The following CSMD3 variants were observed in gnomAD, a reference collection of about 807,000 sequenced individuals.
The protein encoded by CSMD3 is CUB and sushi domain-containing protein 3.
Under a neutral mutation model 435.2 loss-of-function variants are expected in CSMD3, and 177 were observed. That is an observed-to-expected ratio of 0.41 (90% confidence interval 0.36 to 0.46). The LOEUF (loss-of-function observed/expected upper bound fraction) is 0.46, where lower values mean the gene tolerates loss of function less well. CSMD3 is among the 20% of genes least tolerant of loss of function. The probability of loss-of-function intolerance (pLI) is 0.34; values close to 1 mark genes in which losing one functional copy is unlikely to be tolerated. For missense variants in CSMD3, 4,265 were observed against 4,504.6 expected (o/e 0.95, Z 1.52); for synonymous variants, 1,656 against 1,520.5 (o/e 1.09, Z -2.07).
intron 10 of CSMD3, among the ~76,000 whole-genome samples, chr8:112,879,077 G>A (rs1047692227): frequency 1.3e-5 from 2 of 152,080 alleles, no homozygotes; most frequent in African/African-American, 4.8e-5. Context: ...GGGAGATAAC[G>A]ATTAGGTCTG....
intron 9 of CSMD3, among the ~76,000 whole-genome samples, chr8:112,925,276 C>A (rs901683773): frequency 6.6e-6 from 1 of 152,026 alleles, no homozygotes; most frequent in East Asian, 1.9e-4. Context: ...ACACATGAAG[C>A]TCTTATTAAT....
intron 5 of CSMD3, among the ~76,000 whole-genome samples, chr8:113,047,937 T>C (rs1286356832): frequency 6.6e-6 from 1 of 152,176 alleles, no homozygotes; most frequent in Non-Finnish European, 1.5e-5. Context: ...TAGGTCTGTA[T>C]CTTATAAAGT....
At chr8:112,361,478 C>CATAT (rs1343037238) in intron 38 of CSMD3, among the ~76,000 whole-genome samples, 1 of 149,764 alleles carries the variant, frequency 6.7e-6, no homozygotes, top group Non-Finnish European at 1.5e-5. Flanking sequence ...ATCAATCAAT[C>CATAT]TGTATCAGAA....
At chr8:112,348,697 G>A (rs1428615715) in intron 40 of CSMD3, among the ~76,000 whole-genome samples, 1 of 152,026 alleles carries the variant, frequency 6.6e-6, no homozygotes, top group Non-Finnish European at 1.5e-5. Context: ...AGGAGTTCGA[G>A]ACCAGCATGA....
chr8:113,211,053 A>G (rs2092828945), intron 3 of CSMD3, among the ~76,000 whole-genome samples: 2 of 152,236 alleles, frequency 1.3e-5, no homozygotes, highest in African/African-American at 4.8e-5. Flanking sequence ...ATGATGTGCT[A>G]TGTTAAATTA....
At chr8:112,368,896 C>T (rs578063505) in intron 38 of CSMD3, among the ~76,000 whole-genome samples, 4 of 152,142 alleles carry the variant, frequency 2.6e-5, no homozygotes, top group Admixed American at 2.6e-4. Flanking sequence ...AAAAATACCT[C>T]TATGAAACAT....
intron 14 of CSMD3, among the ~76,000 whole-genome samples, chr8:112,686,159 G>C (rs533426561): frequency 6.6e-6 from 1 of 152,286 alleles, no homozygotes; most frequent in East Asian, 1.9e-4. Flanking sequence ...CACTCAAGGG[G>C]ATGGTTATCA....
chr8:112,536,031 T>G (rs1826042908), intron 27 of CSMD3, among the ~76,000 whole-genome samples: 1 of 152,086 alleles, frequency 6.6e-6, no homozygotes, highest in Non-Finnish European at 1.5e-5. Flanking sequence ...TCAAGATGGA[T>G]TAAAGACTTA....
rs539101698 is a variant in CSMD3 at position 113,280,743 on chromosome 8, C to G, written c.402-2039G>C. On this transcript the variant is annotated intron_variant, in intron 2 of 70. Coordinates refer to ENST00000297405, the MANE Select transcript of CSMD3 (RefSeq NM_198123.2). ...TTTCTCTAGTTCCTTGAGGTGTGAC[C>G]TTAGAATGTCAGTTTGTGCTATTTC... Among the ~76,000 whole-genome samples the G allele has an allele frequency of 6.7e-4, 101 of 151,768 alleles. 2 individuals carry two copies. The highest frequency in any genetic ancestry group is 1.3e-3 in the Non-Finnish European group (90 of 67,770).
intron 9 of CSMD3, among the ~76,000 whole-genome samples, chr8:112,946,957 A>C (rs11994100): frequency 0.058 from 8,810 of 151,722 alleles, 880 homozygotes; most frequent in African/African-American, 0.2. Context: ...TATTCTTTAG[A>C]GAATCACTTG....
chr8:112,709,554 CA>C (rs1423314062), intron 13 of CSMD3, among the ~76,000 whole-genome samples: 3 of 151,770 alleles, frequency 2.0e-5, no homozygotes, highest in African/African-American at 7.3e-5. Context: ...TTCAGAGAAA[CA>C]GAAAAAAATA....
intron 6 of CSMD3, among the ~76,000 whole-genome samples, chr8:112,985,319 A>G (rs1023469375): frequency 6.6e-6 from 1 of 152,130 alleles, no homozygotes; most frequent in Non-Finnish European, 1.5e-5. Context: ...GGCAAGACAT[A>G]TTCAGAAAAC....
intron 6 of CSMD3, among the ~76,000 whole-genome samples, chr8:112,987,147 G>T (rs1443918942): frequency 1.3e-5 from 2 of 151,898 alleles, no homozygotes; most frequent in African/African-American, 4.8e-5. Flanking sequence ...CAATATTAAT[G>T]CAAAAAAATT....
intron 13 of CSMD3, among the ~76,000 whole-genome samples, chr8:112,690,449 C>A (rs139372868): frequency 6.6e-6 from 1 of 151,918 alleles, no homozygotes; most frequent in Non-Finnish European, 1.5e-5. Context: ...CTACAGGATA[C>A]GGTAAATCCC....
chr8:112,763,339 A>C (rs2077890847), intron 13 of CSMD3, among the ~76,000 whole-genome samples: 2 of 151,508 alleles, frequency 1.3e-5, no homozygotes, highest in East Asian at 1.9e-4. Flanking sequence ...ACAGAGCTCA[A>C]GAAAGAGGCA....
At chr8:112,856,399 A>G (rs1345381401) in intron 11 of CSMD3, among the ~76,000 whole-genome samples, 1 of 151,922 alleles carries the variant, frequency 6.6e-6, no homozygotes, top group Non-Finnish European at 1.5e-5. Context: ...AATGAAATAT[A>G]GAAGAAAATT....
intron 27 of CSMD3, among the ~76,000 whole-genome samples, chr8:112,529,170 C>A (rs527435006): frequency 6.6e-6 from 1 of 152,204 alleles, no homozygotes; most frequent in South Asian, 2.1e-4. Context: ...GCCGGGATTG[C>A]CTAAAGAACT....
At chr8:113,245,206 G>A (rs151283642) in intron 3 of CSMD3, among the ~76,000 whole-genome samples, 326 of 151,960 alleles carry the variant, frequency 2.1e-3, no homozygotes, top group African/African-American at 7.3e-3. Context: ...ACGTACATTC[G>A]GCCAATGTTT....
At chr8:112,582,024 G>A (rs1007369977) in intron 23 of CSMD3, among the ~76,000 whole-genome samples, 12 of 152,028 alleles carry the variant, frequency 7.9e-5, no homozygotes, top group Non-Finnish European at 1.2e-4. Context: ...GAATGTTTGT[G>A]CCTTCCAAAT....
Sources: gnomAD v4.1 joint callset for allele counts (sites outside exome capture counted in the v4.1 genomes callset) on GRCh38, gnomAD v4.1.1 for gene constraint, MANE v1.5 for transcripts, NCBI Gene and HGNC (gene_info 2026-07-23, HGNC 2026-07-21) for gene names.